CNTNAP5: variants seen among roughly 807,000 people sequenced by gnomAD.
CNTNAP5 encodes the protein contactin associated protein family member 5.
In CNTNAP5, 72 loss-of-function variants were observed where a neutral mutation model predicts 150.2. That is an observed-to-expected ratio of 0.48 (90% CI 0.40 to 0.58). The LOEUF is 0.58. CNTNAP5 is among the 20% of genes least tolerant of loss of function. The probability of loss-of-function intolerance (pLI) is 0.00; values close to 1 mark genes in which losing one functional copy is unlikely to be tolerated. For missense variants in CNTNAP5, 1,636 were observed against 1,626.2 expected (o/e 1.01, Z -0.10); for synonymous variants, 672 against 619.8 (o/e 1.08, Z -1.25).
At chr2:124,627,106 G>A (rs1265933075) in intron 12 of CNTNAP5, among the ~76,000 whole-genome samples, 3 of 152,170 alleles carry the variant, frequency 2.0e-5, no homozygotes, top group Non-Finnish European at 2.9e-5. Context: ...CAGCATCTGC[G>A]GGGAGGGGAA....
chr2:124,330,984 C>T (rs1179257574), intron 3 of CNTNAP5, among the ~76,000 whole-genome samples: 1 of 152,158 alleles, frequency 6.6e-6, no homozygotes, highest in Non-Finnish European at 1.5e-5. Context: ...TTAGCAATTT[C>T]ATGAGTCCAG....
At chr2:124,071,615 T>C (rs1311187391) in intron 1 of CNTNAP5, among the ~76,000 whole-genome samples, 1 of 151,772 alleles carries the variant, frequency 6.6e-6, no homozygotes, top group Non-Finnish European at 1.5e-5. Context: ...CTAGAAGAAA[T>C]GGATAAATTC....
chr2:124,371,620 A>T (rs930315767), intron 3 of CNTNAP5, among the ~76,000 whole-genome samples: 1 of 152,000 alleles, frequency 6.6e-6, no homozygotes, highest in African/African-American at 2.4e-5. Context: ...AATTTTGGGG[A>T]CTCTTGCAAC....
chr2:124,245,995 A>G (rs544710458), intron 3 of CNTNAP5, among the ~76,000 whole-genome samples: 56 of 152,162 alleles, frequency 3.7e-4, no homozygotes, highest in Non-Finnish European at 7.4e-4. Flanking sequence ...TCCTCCCACC[A>G]TGACCTCAGG....
intron 2 of CNTNAP5, among the ~76,000 whole-genome samples, chr2:124,223,585 G>A (rs6541945): frequency 0.51 from 77,166 of 151,340 alleles, 19,814 homozygotes; most frequent in East Asian, 0.64. Context: ...GAGTTGTCTC[G>A]ATCCCACCCA....
At chr2:124,350,177 C>T (rs752984055) in intron 3 of CNTNAP5, among the ~76,000 whole-genome samples, 3 of 151,804 alleles carry the variant, frequency 2.0e-5, no homozygotes, top group African/African-American at 4.8e-5. Context: ...CCACCATTCC[C>T]GGCCGACTTC....
At chr2:124,743,626 G>C (rs1028893401) in intron 13 of CNTNAP5, among the ~76,000 whole-genome samples, 1 of 152,148 alleles carries the variant, frequency 6.6e-6, no homozygotes, top group African/African-American at 2.4e-5. Context: ...TTCAGCATTC[G>C]GGGGCAGCCA....
intron 3 of CNTNAP5, among the ~76,000 whole-genome samples, chr2:124,307,068 A>G (rs891026189): frequency 3.3e-5 from 5 of 152,026 alleles, no homozygotes; most frequent in Non-Finnish European, 7.4e-5. Context: ...GGAGGCAGGG[A>G]TGAAGAAGAT....
chr2:124,157,105 G>A (rs188352155), intron 1 of CNTNAP5, among the ~76,000 whole-genome samples: 1 of 152,166 alleles, frequency 6.6e-6, no homozygotes, highest in Non-Finnish European at 1.5e-5. Context: ...TTATTCAAGT[G>A]TAAAATGAAG....
At chr2:124,120,159 G>A (rs1451486028) in intron 1 of CNTNAP5, among the ~76,000 whole-genome samples, 1 of 152,170 alleles carries the variant, frequency 6.6e-6, no homozygotes, top group Non-Finnish European at 1.5e-5. Flanking sequence ...AGCAATTACG[G>A]TATAGGGCTG....
chr2:124,778,972 G>A (rs1162905751), intron 17 of CNTNAP5, among the ~76,000 whole-genome samples: 2 of 152,190 alleles, frequency 1.3e-5, no homozygotes, highest in African/African-American at 4.8e-5. Context: ...GGCTTCCAGT[G>A]TTATCGTCCC....
At chr2:124,502,779 AT>A (rs902108875) in intron 7 of CNTNAP5, among the ~76,000 whole-genome samples, 3 of 151,700 alleles carry the variant, frequency 2.0e-5, no homozygotes, top group East Asian at 1.9e-4. Context: ...AAGTTGGTGG[AT>A]TTTTTTTTAA....
chr2:124,293,152 T>A (rs541571184), intron 3 of CNTNAP5, among the ~76,000 whole-genome samples: 307 of 150,536 alleles, frequency 2.0e-3, no homozygotes, highest in African/African-American at 7.0e-3. Flanking sequence ...TAAAAATTTT[T>A]AAATTTTTTT....
chr2:124,729,907 T>G (rs915543921), intron 13 of CNTNAP5, among the ~76,000 whole-genome samples: 2 of 152,112 alleles, frequency 1.3e-5, no homozygotes, highest in South Asian at 4.1e-4. Flanking sequence ...CAGCCAACAA[T>G]GCATTAACTA....
intron 13 of CNTNAP5, among the ~76,000 whole-genome samples, chr2:124,727,792 A>G (rs1254924683): frequency 1.3e-5 from 2 of 151,614 alleles, no homozygotes; most frequent in Non-Finnish European, 2.9e-5. Flanking sequence ...GGATGTTTTT[A>G]TTTCTTTCTT....
At chr2:124,546,394 A>C (rs1695511124) in intron 10 of CNTNAP5, among the ~76,000 whole-genome samples, 1 of 151,606 alleles carries the variant, frequency 6.6e-6, no homozygotes, top group Non-Finnish European at 1.5e-5. Flanking sequence ...GCAAGTGTGC[A>C]TCCTCATGCT....
intron 10 of CNTNAP5, among the ~76,000 whole-genome samples, chr2:124,540,579 G>C (rs555555803): frequency 1.3e-5 from 2 of 152,284 alleles, no homozygotes; most frequent in South Asian, 4.1e-4. Context: ...ATCCAAAAGT[G>C]AGCAAGACAG....
rs1688644238 is a variant in CNTNAP5, at chr2:124,304,875, G to A, written c.381+62482G>A. Reference sequence around the variant, plus strand: ...TATGCGAGGCACTTGGGTTCGCGGAGGGAATGCACAGCCCTGGCCCCCAAG... The same window carrying A: ...TATGCGAGGCACTTGGGTTCGCGGAAGGAATGCACAGCCCTGGCCCCCAAG... On this transcript the variant is annotated intron_variant, in intron 3 of 23. Transcript: ENST00000682447. Among the ~76,000 whole-genome samples the A allele has an allele frequency of 2.6e-5, 4 of 152,210 alleles. No homozygotes were observed. In the South Asian group the frequency reaches 8.3e-4, roughly 32 times the overall value.
intron 12 of CNTNAP5, 116 bp downstream of exon 12, chr2:124,610,036 C>A: frequency 1.7e-6 from 2 of 1,198,956 alleles, no homozygotes; most frequent in Non-Finnish European, 1.1e-6. Context: ...ACCAACTGGT[C>A]TCCTTTGGGG....
Sources: gnomAD v4.1 joint callset for allele counts (sites outside exome capture counted in the v4.1 genomes callset) on GRCh38, gnomAD v4.1.1 for gene constraint, MANE v1.5 for transcripts, NCBI Gene and HGNC (gene_info 2026-07-23, HGNC 2026-07-21) for gene names.